Variants in COLGALT2 observed in about 807,000 individuals in gnomAD.
COLGALT2 encodes the protein collagen beta(1-O)galactosyltransferase 2.
COLGALT2 carries 49 observed loss-of-function variants against 73.4 expected under a neutral mutation model. That is an observed-to-expected ratio of 0.67 (90% CI 0.53 to 0.85). COLGALT2 has a LOEUF of 0.85. COLGALT2 is among the 40% of genes least tolerant of loss of function. The probability of loss-of-function intolerance (pLI) is 0.00; values close to 1 mark genes in which losing one functional copy is unlikely to be tolerated. For missense variants in COLGALT2, 722 were observed against 790.2 expected (o/e 0.91, Z 1.03); for synonymous variants, 295 against 307.6 (o/e 0.96, Z 0.43).
intron 6 of COLGALT2, among the ~76,000 whole-genome samples, chr1:183,957,778 GT>G (rs367921171): frequency 0.019 from 2,257 of 118,902 alleles, 47 homozygotes; most frequent in African/African-American, 0.051. Context: ...TTTTGTGGTG[GT>G]TTTTTTTTTT....
intron 1 of COLGALT2, among the ~76,000 whole-genome samples, chr1:183,996,956 G>A (rs1671785959): frequency 6.6e-6 from 1 of 152,168 alleles, no homozygotes; most frequent in Non-Finnish European, 1.5e-5. Flanking sequence ...TAGTGCCTGA[G>A]TCAGGAAGGG....
At chr1:184,020,400 T>C (rs1263169094) in intron 1 of COLGALT2, among the ~76,000 whole-genome samples, 2 of 152,196 alleles carry the variant, frequency 1.3e-5, no homozygotes, top group African/African-American at 4.8e-5. Context: ...AAACTGACCA[T>C]ATTTCTCTCA....
At chr1:184,016,697 AT>A (rs1649011625) in intron 1 of COLGALT2, among the ~76,000 whole-genome samples, 1 of 152,190 alleles carries the variant, frequency 6.6e-6, no homozygotes, top group East Asian at 1.9e-4. Flanking sequence ...TCAAAAGTGA[AT>A]TTTTTATATA....
chr1:183,964,364 T>C (rs12725649), intron 5 of COLGALT2: 62,228 of 340,256 alleles, frequency 0.18, 6,210 homozygotes, highest in Admixed American at 0.26. Flanking sequence ...AATGGAACAC[T>C]GTAATCCACC....
chr1:183,997,038 CA>C (rs1671789509), intron 1 of COLGALT2, among the ~76,000 whole-genome samples: 2 of 152,124 alleles, frequency 1.3e-5, no homozygotes, highest in Admixed American at 6.5e-5. Flanking sequence ...TGGCGTGGAT[CA>C]GGGGCAGGCA....
At chr1:183,979,860 A>G (rs1435539277) in intron 1 of COLGALT2, among the ~76,000 whole-genome samples, 1 of 152,092 alleles carries the variant, frequency 6.6e-6, no homozygotes, top group Non-Finnish European at 1.5e-5. Flanking sequence ...ATCTGCTAGC[A>G]CTGACCAACA....
chr1:183,962,702 C>CAAA (rs1558316132), intron 6 of COLGALT2, among the ~76,000 whole-genome samples: 1 of 152,174 alleles, frequency 6.6e-6, no homozygotes, highest in Non-Finnish European at 1.5e-5. Flanking sequence ...TGCCCAGTAG[C>CAAA]CGTGAAATGT....
chr1:183,978,225 T>C (rs1419056766), intron 2 of COLGALT2, among the ~76,000 whole-genome samples, 185 bp downstream of exon 2: 1 of 152,014 alleles, frequency 6.6e-6, no homozygotes, highest in East Asian at 1.9e-4. Flanking sequence ...GCTGTGGGAG[T>C]AAACAGCAAG....
intron 6 of COLGALT2, among the ~76,000 whole-genome samples, chr1:183,962,957 C>T (rs1670756054): frequency 6.6e-6 from 1 of 152,194 alleles, no homozygotes; most frequent in South Asian, 2.1e-4. Flanking sequence ...TTCTGCTGTT[C>T]CTCCCTAACC....
At position 183,937,665 on chromosome 1, in the gene COLGALT2, T is replaced by C. The variant is rs1669993307; in HGVS notation, c.*1096A>G. The stretch of plus-strand genomic sequence containing the variant: ...CAGGAGAATCAGATTGCCGAACCAA[T>C]GTGTCCACACCCACCACTCCCCCGG... On this transcript the variant is annotated 3_prime_UTR_variant, in exon 12 of 12. Transcript: ENST00000361927. The C allele has an allele frequency of 6.1e-6, 6 of 985,310 alleles. No individual in the cohort carries two copies. Among genetic ancestry groups the C allele is most frequent in the East Asian group, 1.1e-4 (1 of 8,812 alleles). 61.0% of individuals were successfully genotyped at this position (985,310 alleles called of 1,614,324 possible). A position where few individuals can be genotyped will look rare whatever the true frequency, so the allele number is the denominator to read the frequency against.
At chr1:183,974,197 C>G (rs1238045615) in intron 3 of COLGALT2, among the ~76,000 whole-genome samples, 1 of 152,188 alleles carries the variant, frequency 6.6e-6, no homozygotes. Flanking sequence ...TTTAATGTGA[C>G]AAGTAGAATT....
At chr1:184,004,234 C>T (rs571695028) in intron 1 of COLGALT2, among the ~76,000 whole-genome samples, 4 of 152,282 alleles carry the variant, frequency 2.6e-5, no homozygotes, top group African/African-American at 9.6e-5. Context: ...GGTTGTCACT[C>T]TTCCCTAACC....
Position 183,988,000 on chromosome 1 carries a change from C to A in COLGALT2, c.264-9480G>T, listed in dbSNP as rs142599313. Among the ~76,000 whole-genome samples the A allele has an allele frequency of 2.4e-3, 368 of 152,320 alleles. 5 individuals are homozygous for A. Among genetic ancestry groups the A allele is most frequent in the East Asian group, 0.016 (85 of 5,188 alleles). The stretch of plus-strand genomic sequence containing the variant: ...AATCAACATAAAAAACACATTATTT[C>A]ATCTCTTAATAGCCCAGGTCCATCT... On this transcript the variant is annotated intron_variant, in intron 1 of 11. Coordinates refer to ENST00000361927, the MANE Select transcript of COLGALT2 (RefSeq NM_015101.4).
chr1:183,958,622 A>G (rs1670615119), intron 6 of COLGALT2, among the ~76,000 whole-genome samples: 1 of 151,210 alleles, frequency 6.6e-6, no homozygotes, highest in East Asian at 2.0e-4. Flanking sequence ...TACCTTTTCA[A>G]TCCACCTCAA....
downstream of COLGALT2, among the ~76,000 whole-genome samples, chr1:183,931,572 AG>A (rs1394985082): frequency 6.6e-6 from 1 of 152,180 alleles, no homozygotes; most frequent in Admixed American, 6.5e-5. Context: ...TTAACAAAGG[AG>A]GAGCAGATGG....
chr1:184,017,973 A>C (rs998709775), intron 1 of COLGALT2, among the ~76,000 whole-genome samples: 1 of 152,232 alleles, frequency 6.6e-6, no homozygotes, highest in African/African-American at 2.4e-5. Flanking sequence ...GTAAATGTTT[A>C]ATAAATATTA....
chr1:183,979,389 AGATGACAAAGAAG>A (rs975164717), intron 1 of COLGALT2, among the ~76,000 whole-genome samples: 126 of 152,296 alleles, frequency 8.3e-4, no homozygotes, highest in African/African-American at 2.7e-3. Context: ...AAGAGTATTA[AGATGACAAAGAAG>A]GAGACTTTAT....
chr1:183,942,465 T>C (rs1670141829), intron 10 of COLGALT2, among the ~76,000 whole-genome samples: 1 of 152,266 alleles, frequency 6.6e-6, no homozygotes, highest in Non-Finnish European at 1.5e-5. Context: ...AATTTATTTT[T>C]ACCTTTTTAA....
chr1:184,008,762 G>T (rs12069373), intron 1 of COLGALT2, among the ~76,000 whole-genome samples: 29,518 of 151,994 alleles, frequency 0.19, 5,164 homozygotes, highest in African/African-American at 0.47. Flanking sequence ...TAAACTTCCC[G>T]AATATGATAA....
Sources: allele counts gnomAD v4.1 joint callset (sites outside exome capture counted in the v4.1 genomes callset), GRCh38; gene constraint gnomAD v4.1.1; transcripts MANE v1.5; gene names NCBI Gene and HGNC (gene_info 2026-07-23, HGNC 2026-07-21).